The following UNC5A variants were observed in gnomAD, a reference collection of about 807,000 sequenced individuals.
The protein encoded by UNC5A is netrin receptor UNC5A.
In UNC5A, 20 loss-of-function variants were observed where a neutral mutation model predicts 87.4. That is an observed-to-expected ratio of 0.23 (90% CI 0.16 to 0.33). UNC5A has a LOEUF of 0.33. UNC5A is among the 10% of genes least tolerant of loss of function. The pLI, the probability that UNC5A is intolerant of heterozygous loss-of-function variation, is 1.00. For missense variants in UNC5A, 844 were observed against 1,133.4 expected, an observed-to-expected ratio of 0.74 and a Z score of 3.67; for synonymous variants, 438 against 482.3, an observed-to-expected ratio of 0.91 and a Z score of 1.20.
intron 1 of UNC5A, among the ~76,000 whole-genome samples, chr5:176,821,145 C>T (rs937601797): frequency 1.4e-4 from 21 of 152,168 alleles, no homozygotes; most frequent in African/African-American, 3.1e-4. Context: ...CTCCAAGCCC[C>T]GCCCCTGCCC....
intron 1 of UNC5A, among the ~76,000 whole-genome samples, chr5:176,858,050 G>A (rs930191420): frequency 3.9e-5 from 6 of 152,214 alleles, no homozygotes; most frequent in Admixed American, 2.6e-4. Flanking sequence ...TCACACGCCC[G>A]TCCGTCAGTG....
At chr5:176,846,458 G>A (rs1392083220) in intron 1 of UNC5A, among the ~76,000 whole-genome samples, 2 of 152,154 alleles carry the variant, frequency 1.3e-5, no homozygotes, top group Admixed American at 6.5e-5. Flanking sequence ...TCTTGTCCAT[G>A]ATGGGGGACA....
At chr5:176,876,599 C>T (rs917591264) in intron 8 of UNC5A, among the ~76,000 whole-genome samples, 6 of 152,232 alleles carry the variant, frequency 3.9e-5, no homozygotes, top group Non-Finnish European at 7.3e-5. Context: ...AGAGGCAAGC[C>T]AGCCGACGGG....
chr5:176,843,801 C>G (rs564148413), intron 1 of UNC5A, among the ~76,000 whole-genome samples: 1 of 152,326 alleles, frequency 6.6e-6, no homozygotes, highest in Admixed American at 6.5e-5. Flanking sequence ...GGCGGCTGGG[C>G]CCGGCCGTGG....
intron 1 of UNC5A, among the ~76,000 whole-genome samples, chr5:176,825,883 C>T (rs1756839445): frequency 6.6e-6 from 1 of 152,180 alleles, no homozygotes; most frequent in Admixed American, 6.5e-5. Context: ...CCAGGCCCGG[C>T]GTCAGGTGCC....
rs1757964494 is a variant in UNC5A at position 176,865,924 on chromosome 5, T to G, written c.293-2206T>G. 6.6e-6 allele frequency among the ~76,000 whole-genome samples: 1 copy of G among 152,202 alleles called. No individual in the cohort carries two copies. Among genetic ancestry groups the G allele is most frequent in the African/African-American group, 2.4e-5 (1 of 41,448 alleles). ...TAACACTAAAAAAAAGCCTGAAATT[T>G]GCAAAACCAAGCACTGGAGTCCGGT... On this transcript the variant is annotated intron_variant, in intron 2 of 14. Transcript: ENST00000329542. This position sits in a 1 kb window ranked among gnomAD's most constrained non-coding sequence, Gnocchi z 5.3.
At chr5:176,827,338 A>G (rs2113598503) in intron 1 of UNC5A, among the ~76,000 whole-genome samples, 1 of 152,026 alleles carries the variant, frequency 6.6e-6, no homozygotes, top group South Asian at 2.1e-4. Flanking sequence ...ATGCACCACC[A>G]CGCCCAGCCA....
At chr5:176,855,568 C>T (rs903278393) in intron 1 of UNC5A, among the ~76,000 whole-genome samples, 2 of 152,224 alleles carry the variant, frequency 1.3e-5, no homozygotes, top group African/African-American at 4.8e-5. Context: ...GAAACTGGGA[C>T]AGAACACGCA....
intron 8 of UNC5A, 95 bp from the exon 9 acceptor site, chr5:176,877,097 T>A: frequency 1.0e-6 from 1 of 1,003,362 alleles, no homozygotes; most frequent in Non-Finnish European, 1.5e-6. Context: ...CTGGCACCAG[T>A]CAGTCCTCAC....
rs919489781 is a variant in UNC5A at position 176,875,824 on chromosome 5, C to T, written c.1378+1258C>T. 1.3e-5 allele frequency among the ~76,000 whole-genome samples: 2 copies of T among 152,226 alleles called. No homozygotes were observed. The highest frequency in any genetic ancestry group is 1.3e-4 in the Admixed American group (2 of 15,284). ...CCCTCTGCATGCACCGACCCCCTGC[C>T]CCTCCCACCAGCTCAGCTGGGACTT... On this transcript the variant is annotated intron_variant, in intron 8 of 14. Transcript: ENST00000329542. This position sits in a 1 kb window ranked among gnomAD's most constrained non-coding sequence, Gnocchi z 5.2.
rs914708785 is a variant in UNC5A, at chr5:176,869,640, G to A, written c.721+676G>A. On this transcript the variant is annotated intron_variant, in intron 5 of 14. Transcript: ENST00000329542. This position sits in a 1 kb window ranked among gnomAD's most constrained non-coding sequence, Gnocchi z 9.1. ...GAACGGTGGGTGGTCGACGTGGACC[G>A]AGTGGTCCGTCTGCAGCGCCAGCTG... 1.0e-5 allele frequency: 7 copies of A among 699,930 alleles called. No homozygotes were observed. Among genetic ancestry groups the A allele is most frequent in the South Asian group, 3.0e-5 (2 of 67,450 alleles). The allele number at this position is 699,930 out of a possible 1,614,324, so 43.4% of individuals were successfully genotyped here.
intron 9 of UNC5A, 80 bp downstream of exon 9, chr5:176,877,359 C>A: frequency 7.0e-7 from 1 of 1,419,738 alleles, no homozygotes; most frequent in South Asian, 1.3e-5. Context: ...CCTGCCCACC[C>A]ACTGTTGTGC....
rs1339455043 is a variant in UNC5A at position 176,810,959 on chromosome 5, G to C, written c.70+139G>C. ...GGCCAAACTTTGCGAGGCGGGACGC[G>C]GGGGGCTCTTCTTGCTGCTGCGCAG... is the stretch of plus-strand genomic sequence containing the variant. On this transcript the variant is annotated intron_variant, in intron 1 of 14. Coordinates refer to ENST00000329542, the MANE Select transcript of UNC5A (RefSeq NM_133369.3). The surrounding 1 kb of genome is among the most constrained non-coding windows in gnomAD (Gnocchi z 7.3). 1.5e-6 allele frequency: 1 copy of C among 688,958 alleles called. No homozygotes were observed. The highest frequency in any genetic ancestry group is 1.9e-5 in the African/African-American group (1 of 51,750). The allele number at this position is 688,958 out of a possible 1,614,324, so 42.7% of individuals were successfully genotyped here. A position where few individuals can be genotyped will look rare whatever the true frequency, so the allele number is the denominator to read the frequency against.
intron 13 of UNC5A, 58 bp downstream of exon 13, chr5:176,878,697 A>G: frequency 1.3e-6 from 2 of 1,564,266 alleles, no homozygotes. Flanking sequence ...ACTCCCCACC[A>G]GCCCCCAAAA....
chr5:176,862,867 G>T (rs769848433), intron 2 of UNC5A, 22 bp downstream of exon 2: 1 of 1,611,218 alleles, frequency 6.2e-7, no homozygotes. Context: ...GGGGCGCCAG[G>T]CAGGGCCAAT....
chr5:176,856,063 G>T (rs1005166335), intron 1 of UNC5A, among the ~76,000 whole-genome samples: 3 of 152,248 alleles, frequency 2.0e-5, no homozygotes, highest in Non-Finnish European at 4.4e-5. Flanking sequence ...CCAGCTGAGT[G>T]AGGCCGAGTG....
At chr5:176,867,588 A>T (rs949564755) in intron 2 of UNC5A, among the ~76,000 whole-genome samples, 2 of 152,204 alleles carry the variant, frequency 1.3e-5, no homozygotes, top group Non-Finnish European at 2.9e-5. Flanking sequence ...GGGAAACCCT[A>T]AGTCCCAGGG....
At chr5:176,820,934 A>C (rs1006450963) in intron 1 of UNC5A, among the ~76,000 whole-genome samples, 1 of 152,136 alleles carries the variant, frequency 6.6e-6, no homozygotes, top group Non-Finnish European at 1.5e-5. Flanking sequence ...TCAACAACCC[A>C]GTCTTCCGCC....
chr5:176,859,132 T>C (rs1358330857), intron 1 of UNC5A, among the ~76,000 whole-genome samples: 5 of 118,920 alleles, frequency 4.2e-5, no homozygotes, highest in Non-Finnish European at 9.0e-5. Context: ...GCTGCTAGAA[T>C]GCCCTTGCTA....
Sources: gnomAD v4.1 joint callset for allele counts (sites outside exome capture counted in the v4.1 genomes callset) on GRCh38, gnomAD v4.1.1 for gene constraint, Gnocchi (gnomAD v3.1) non-coding constraint, MANE v1.5 for transcripts, NCBI Gene and HGNC (gene_info 2026-07-23, HGNC 2026-07-21) for gene names.